The following KHDRBS2 variants were observed in gnomAD, a reference collection of about 807,000 sequenced individuals.
KHDRBS2 encodes the protein KH domain-containing, RNA-binding, signal transduction-associated protein 2.
In KHDRBS2, 26 loss-of-function variants were observed where a neutral mutation model predicts 44.3. The observed-to-expected ratio is 0.59, with a 90% confidence interval of 0.43 to 0.81. The LOEUF is 0.81. KHDRBS2 is among the 40% of genes least tolerant of loss of function. KHDRBS2 has a pLI of 0.00. For missense variants in KHDRBS2, 476 were observed against 433.1 expected (o/e 1.10, Z -0.88); for synonymous variants, 194 against 151.1 (o/e 1.28, Z -2.08).
intron 7 of KHDRBS2, among the ~76,000 whole-genome samples, chr6:61,701,942 A>G (rs1768749830): frequency 6.6e-6 from 1 of 152,010 alleles, no homozygotes; most frequent in African/African-American, 2.4e-5. Context: ...GAACTACACC[A>G]ATACTTAATG....
the KHDRBS2 span, among the ~76,000 whole-genome samples, chr6:61,662,613 A>G: frequency 1.3e-5 from 2 of 152,178 alleles, no homozygotes; most frequent in Non-Finnish European, 2.9e-5. Flanking sequence ...ACTTCTCAAA[A>G]GAAGACATTT....
rs151216275 is a variant in KHDRBS2 at position 62,189,306 on chromosome 6, G to T, written c.92-11994C>A. On this transcript the variant is annotated intron_variant, in intron 1 of 8. Transcript: ENST00000281156. ...AAATAAGTCCTCTCTCAACAGTAAG[G>T]CTTTCAAATGACCACCACTTCTTTT... Among the ~76,000 whole-genome samples the T allele has an allele frequency of 4.2e-3, 643 of 151,824 alleles. 6 individuals carry two copies. The highest frequency in any genetic ancestry group is 5.3e-3 in the Non-Finnish European group (359 of 67,916).
At chr6:62,076,413 T>C (rs1184401311) in intron 2 of KHDRBS2, among the ~76,000 whole-genome samples, 1 of 151,956 alleles carries the variant, frequency 6.6e-6, no homozygotes, top group Non-Finnish European at 1.5e-5. Context: ...ATTGTGATGT[T>C]GGGAATTAGG....
rs57229358 is a variant in KHDRBS2, at chr6:61,925,493, A to C, written c.484-24122T>G. 2.8e-3 allele frequency among the ~76,000 whole-genome samples: 429 copies of C among 152,222 alleles called. 3 individuals carry two copies. The highest frequency in any genetic ancestry group is 1.0e-2 in the African/African-American group (415 of 41,564). On this transcript the variant is annotated intron_variant, in intron 4 of 8. Coordinates refer to ENST00000281156, the MANE Select transcript of KHDRBS2 (RefSeq NM_152688.4). ...CACTTTGGGAGGCCAAGGTGGGAGAATTGCTTGAGCCCAGGAGTTCAAGGC... is the reference window on the plus strand; with the variant it reads ...CACTTTGGGAGGCCAAGGTGGGAGACTTGCTTGAGCCCAGGAGTTCAAGGC...
intron 2 of KHDRBS2, among the ~76,000 whole-genome samples, chr6:62,059,547 AT>A (rs1791216823): frequency 6.6e-6 from 1 of 151,800 alleles, no homozygotes; most frequent in South Asian, 2.1e-4. Flanking sequence ...AGTAATCAAA[AT>A]AAATTCTAAT....
At chr6:61,805,013 GCAT>G (rs1244851685) in intron 6 of KHDRBS2, among the ~76,000 whole-genome samples, 1 of 152,060 alleles carries the variant, frequency 6.6e-6, no homozygotes, top group African/African-American at 2.4e-5. Flanking sequence ...CTTTTCTATT[GCAT>G]CATCAGGCTG....
chr6:61,723,973 G>A (rs577293472), intron 7 of KHDRBS2, among the ~76,000 whole-genome samples: 24 of 152,186 alleles, frequency 1.6e-4, no homozygotes, highest in East Asian at 3.9e-4. Context: ...ACCCCAGTAA[G>A]ATACTCCATG....
chr6:62,265,146 A>G (rs983512618), intron 1 of KHDRBS2, among the ~76,000 whole-genome samples: 1 of 151,984 alleles, frequency 6.6e-6, no homozygotes, highest in Non-Finnish European at 1.5e-5. Flanking sequence ...CTTAACTAAA[A>G]GATGCAATGG....
chr6:61,794,699 A>C (rs1178433561), intron 6 of KHDRBS2, among the ~76,000 whole-genome samples: 4 of 152,194 alleles, frequency 2.6e-5, no homozygotes, highest in African/African-American at 9.6e-5. Flanking sequence ...TACACCATAC[A>C]GTACCAACCA....
rs141092447 is a variant in KHDRBS2 at position 62,136,993 on chromosome 6, C to CTTTTTTT, written c.219+40185_219+40191dup. Among the ~76,000 whole-genome samples, 81 of 78,296 alleles carry CTTTTTTT rather than the reference C, an allele frequency of 1.0e-3. 1 individual carries two copies. The highest frequency in any genetic ancestry group is 1.2e-3 in the Admixed American group (6 of 5,114). 51.4% of individuals were successfully genotyped at this position (78,296 alleles called of 152,430 possible). On this transcript the variant is annotated intron_variant, in intron 2 of 8. Transcript: ENST00000281156. ...ACTGACTTTCAGCTTTCTTTCTTTT[C>CTTTTTTT]TTTTTTTTTTTTTTTTTTTTTTTTT...
intron 3 of KHDRBS2, among the ~76,000 whole-genome samples, chr6:62,040,431 A>G (rs936590803): frequency 1.3e-5 from 2 of 152,086 alleles, no homozygotes; most frequent in Non-Finnish European, 2.9e-5. Context: ...TTTTAATATT[A>G]TTATCATATA....
chr6:61,879,067 T>A (rs1398271208), intron 6 of KHDRBS2, among the ~76,000 whole-genome samples: 1 of 152,010 alleles, frequency 6.6e-6, no homozygotes, highest in Non-Finnish European at 1.5e-5. Context: ...CTATCCTGAC[T>A]ACTATAAAGT....
At chr6:62,205,502 G>C (rs1827795022) in intron 1 of KHDRBS2, among the ~76,000 whole-genome samples, 1 of 152,002 alleles carries the variant, frequency 6.6e-6, no homozygotes, top group East Asian at 1.9e-4. Context: ...TAACAATAAA[G>C]CATTCTGTCC....
chr6:61,565,658 G>A, the KHDRBS2 span, among the ~76,000 whole-genome samples: 22 of 152,106 alleles, frequency 1.4e-4, no homozygotes, highest in East Asian at 4.1e-3. Context: ...AAAAAATAAT[G>A]AATGTTGGTG....
At chr6:61,716,180 C>A (rs1053717070) in intron 7 of KHDRBS2, among the ~76,000 whole-genome samples, 2 of 151,826 alleles carry the variant, frequency 1.3e-5, no homozygotes, top group African/African-American at 4.8e-5. Flanking sequence ...TATGAGGAAG[C>A]CTAAGTGACA....
At chr6:61,650,986 A>C in the KHDRBS2 span, among the ~76,000 whole-genome samples, 87 of 152,262 alleles carry the variant, frequency 5.7e-4, no homozygotes, top group African/African-American at 2.0e-3. Context: ...TCCAATGTGT[A>C]CATTCTCTCT....
At chr6:62,051,128 A>G (rs971090802) in intron 2 of KHDRBS2, among the ~76,000 whole-genome samples, 1 of 152,096 alleles carries the variant, frequency 6.6e-6, no homozygotes, top group African/African-American at 2.4e-5. Flanking sequence ...AACTGGCTGG[A>G]AAGCGGCATG....
At chr6:62,051,359 G>A (rs191047647) in intron 2 of KHDRBS2, among the ~76,000 whole-genome samples, 54 of 151,942 alleles carry the variant, frequency 3.6e-4, no homozygotes, top group African/African-American at 1.2e-3. Context: ...GGTCTCATCC[G>A]TTTTGGGTTA....
At chr6:62,014,795 G>C (rs1033977446) in intron 3 of KHDRBS2, among the ~76,000 whole-genome samples, 3 of 152,074 alleles carry the variant, frequency 2.0e-5, no homozygotes, top group African/African-American at 7.2e-5. Context: ...ATATTTTCAT[G>C]GGAATGTTAC....
Sources: allele counts gnomAD v4.1 joint callset (sites outside exome capture counted in the v4.1 genomes callset), GRCh38; gene constraint gnomAD v4.1.1; transcripts MANE v1.5; gene names NCBI Gene and HGNC (gene_info 2026-07-23, HGNC 2026-07-21).